Variants in SMAD9 observed in about 807,000 individuals in gnomAD.
SMAD9 encodes SMAD family member 9, also known as MAD homolog 9.
Under a neutral mutation model 46.1 loss-of-function variants are expected in SMAD9, and 36 were observed. The observed-to-expected ratio is 0.78, with a 90% CI of 0.60 to 1.03. SMAD9 has a LOEUF of 1.03. Among genes scored for constraint, SMAD9 ranks in the 50% least tolerant of loss-of-function variants. The probability of loss-of-function intolerance (pLI) is 0.00; values close to 1 mark genes in which losing one functional copy is unlikely to be tolerated. For synonymous variants in SMAD9, 245 were observed against 237.1 expected (o/e 1.03, Z -0.31); for missense variants, 572 against 599.8 (o/e 0.95, Z 0.48).
In SMAD9 at chr13:36,848,752, T is replaced by C. The variant is rs2058052001; in HGVS notation, c.1328A>G (p.His443Arg). Residue 443 changes from histidine (H) to arginine (R), a missense_variant, in exon 7 of 7, where the codon CAT becomes CGT. By Grantham distance (29) the His-to-Arg change is conservative. Transcript: ENST00000379826. ...STPCWIEIHL[H>R]GPLQWLDKVL... ...TTTGTCCAGCCACTGCAGTGGCCCA[T>C]GAAGATGAATCTCAATCCAGCAGGG... 1 of 1,613,804 alleles carries C rather than the reference T, an allele frequency of 6.2e-7. No individual in the cohort carries two copies. Among genetic ancestry groups the C allele is most frequent in the Non-Finnish European group, 8.5e-7 (1 of 1,179,700 alleles).
chr13:36,857,792 T>A (rs1490108320), intron 5 of SMAD9, among the ~76,000 whole-genome samples: 3 of 152,146 alleles, frequency 2.0e-5, no homozygotes, highest in African/African-American at 7.2e-5. Flanking sequence ...CAGAGTGTCC[T>A]GCACAGAAGA....
At chr13:36,888,900 A>C (rs1383106764) in intron 1 of SMAD9, among the ~76,000 whole-genome samples, 1 of 152,150 alleles carries the variant, frequency 6.6e-6, no homozygotes, top group African/African-American at 2.4e-5. Flanking sequence ...GAGAGGACGC[A>C]CATGAAACTG....
At position 36,872,557 on chromosome 13, in the gene SMAD9, T is replaced by G; in HGVS notation, c.670+101A>C. 3.0e-6 allele frequency: 4 copies of G among 1,338,550 alleles called. No individual in the cohort carries two copies. The South Asian group carries it at 4.8e-5, about 16-fold the overall frequency. The allele number at this position is 1,338,550 out of a possible 1,614,324, so 82.9% of individuals were successfully genotyped here. On this transcript the variant is annotated intron_variant, in intron 3 of 6. Transcript: ENST00000379826. ...TGCTTTGTAAACTGTTTATACTATA[T>G]GAATGACAGTTACAATGACTGTCAT...
chr13:36,908,271 GCT>G (rs1401784460), intron 1 of SMAD9, among the ~76,000 whole-genome samples: 1 of 152,116 alleles, frequency 6.6e-6, no homozygotes, highest in Non-Finnish European at 1.5e-5. Flanking sequence ...GTATTATTCA[GCT>G]TGATTTTCTC....
intron 1 of SMAD9, among the ~76,000 whole-genome samples, chr13:36,908,138 T>A (rs1483804603): frequency 6.6e-6 from 1 of 152,226 alleles, no homozygotes; most frequent in East Asian, 1.9e-4. Context: ...GTTTTTAAAA[T>A]AACAGTTGCT....
chr13:36,916,279 T>C (rs1156583062), intron 1 of SMAD9, among the ~76,000 whole-genome samples: 2 of 152,254 alleles, frequency 1.3e-5, no homozygotes, highest in African/African-American at 4.8e-5. Flanking sequence ...CCGTATCACA[T>C]TAAAATCTGT....
intron 5 of SMAD9, among the ~76,000 whole-genome samples, chr13:36,861,917 A>G (rs2058185993): frequency 6.6e-6 from 1 of 151,576 alleles, no homozygotes; most frequent in Admixed American, 6.6e-5. Context: ...TGACAGAGCA[A>G]GACTCCCGTC....
chr13:36,860,026 G>A (rs2138339706), intron 5 of SMAD9, among the ~76,000 whole-genome samples: 1 of 152,134 alleles, frequency 6.6e-6, no homozygotes, highest in South Asian at 2.1e-4. Flanking sequence ...AGCCCTGGTG[G>A]CTGCTTTGTC....
rs57024507 is a variant in SMAD9, at chr13:36,896,109, G to GTATTTATTTATT, written c.-186-16246_-186-16235dup. Among the ~76,000 whole-genome samples the GTATTTATTTATT allele has an allele frequency of 6.2e-3, 928 of 148,638 alleles. 11 individuals are homozygous for GTATTTATTTATT. The highest frequency in any genetic ancestry group is 0.022 in the African/African-American group (862 of 39,830). The stretch of plus-strand genomic sequence containing the variant: ...CCCACCCTGTTGCCAATCCTGTTGA[G>GTATTTATTTATT]TATTTATTTATTTATTTATTTATTT... On this transcript the variant is annotated intron_variant, in intron 1 of 6. Coordinates refer to ENST00000379826, the MANE Select transcript of SMAD9 (RefSeq NM_001127217.3).
rs2058035118 is a variant in SMAD9 at position 36,845,778 on chromosome 13, T to TAAC, written c.*2895_*2897dup. On this transcript the variant is annotated 3_prime_UTR_variant, in exon 7 of 7. Coordinates refer to ENST00000379826, the MANE Select transcript of SMAD9 (RefSeq NM_001127217.3). The stretch of plus-strand genomic sequence containing the variant: ...GATTGTGTTACAATGACTAAAGGGT[T>TAAC]AACTTCTCATTAATTCTAAATTCTT... 1 of 152,208 alleles carries TAAC rather than the reference T, an allele frequency of 6.6e-6. No homozygotes were observed. Among genetic ancestry groups the TAAC allele is most frequent in the Non-Finnish European group, 1.5e-5 (1 of 68,034 alleles). The allele number at this position is 152,208 out of a possible 1,614,324, so 9.4% of individuals were successfully genotyped here.
chr13:36,878,378 A>G (rs2058367441), intron 2 of SMAD9, among the ~76,000 whole-genome samples: 1 of 152,158 alleles, frequency 6.6e-6, no homozygotes, highest in Admixed American at 6.5e-5. Flanking sequence ...AGGATTGCCT[A>G]CAGTATTTAG....
At chr13:36,875,530 T>C (rs2058338022) in intron 2 of SMAD9, among the ~76,000 whole-genome samples, 1 of 152,154 alleles carries the variant, frequency 6.6e-6, no homozygotes, top group Non-Finnish European at 1.5e-5. Flanking sequence ...TCATAAACCA[T>C]TAAATTCCCC....
chr13:36,907,294 A>G (rs776245149), intron 1 of SMAD9, among the ~76,000 whole-genome samples: 6 of 131,038 alleles, frequency 4.6e-5, no homozygotes, highest in Non-Finnish European at 8.1e-5. Context: ...GGGAAGATGA[A>G]AAAGTTCTGG....
rs574741770 is a variant in SMAD9 at position 36,897,849 on chromosome 13, C to CTTTTTT, written c.-186-17980_-186-17975dup. Among the ~76,000 whole-genome samples, 97 of 90,010 alleles carry CTTTTTT rather than the reference C, an allele frequency of 1.1e-3. 1 individual carries two copies. Among genetic ancestry groups the CTTTTTT allele is most frequent in the East Asian group, 2.8e-3 (8 of 2,822 alleles). 59.1% of individuals were successfully genotyped at this position (90,010 alleles called of 152,430 possible). A position where few individuals can be genotyped will look rare whatever the true frequency, so the allele number is the denominator to read the frequency against. On this transcript the variant is annotated intron_variant, in intron 1 of 6. Coordinates refer to ENST00000379826, the MANE Select transcript of SMAD9 (RefSeq NM_001127217.3). ...CCAAGGTAACAGAAATGTCCTGTGTCTTTTTTTTTTTTTTTTTTTTTTTTT... is the reference window on the plus strand; with the variant it reads ...CCAAGGTAACAGAAATGTCCTGTGTCTTTTTTTTTTTTTTTTTTTTTTTTTTTTTTT...
Position 36,879,599 on chromosome 13 carries a change from C to T in SMAD9, c.91G>A (p.Glu31Lys). The T allele has an allele frequency of 6.2e-7, 1 of 1,614,222 alleles. No homozygotes were observed. Among genetic ancestry groups the T allele is most frequent in the Non-Finnish European group, 8.5e-7 (1 of 1,180,042 alleles). The change falls in exon 2 of 7, where the codon GAA becomes AAA. Residue 31 changes from glutamate (E) to lysine (K), a missense_variant. Glu to Lys is a moderately conservative substitution (Grantham distance 56). Transcript: ENST00000379826. ...LLGWKQGDEE[E>K]KWAEKAVDSL... ...TCCACTGCCTTCTCTGCCCACTTTT[C>T]CTCTTCATCTCCTTGCTTCCAGCCT...
intron 1 of SMAD9, among the ~76,000 whole-genome samples, chr13:36,918,450 C>T (rs558905087): frequency 1.4e-4 from 21 of 152,288 alleles, no homozygotes; most frequent in African/African-American, 4.1e-4. Context: ...CATTAAGAGG[C>T]CGAAGGCTGT....
Position 36,879,694 on chromosome 13 carries a change from G to A in SMAD9, c.-5C>T, listed in dbSNP as rs1345992274. The A allele has an allele frequency of 6.2e-7, 1 of 1,613,888 alleles. No individual in the cohort carries two copies. Among genetic ancestry groups the A allele is most frequent in the East Asian group, 2.2e-5 (1 of 44,876 alleles). ...GATGGGGGTGGTGGAGTGCATAAGA[G>A]GCCACAGCAGGCTCCGGCGCGCACG... On this transcript the variant is annotated 5_prime_UTR_variant, in exon 2 of 7. Coordinates refer to ENST00000379826, the MANE Select transcript of SMAD9 (RefSeq NM_001127217.3).
chr13:36,849,283 C>G (rs1366469938), intron 6 of SMAD9: 1 of 158,314 alleles, frequency 6.3e-6, no homozygotes, highest in East Asian at 1.9e-4. Flanking sequence ...TATTCTCTCT[C>G]TCTCTCTCTC....
chr13:36,919,209 A>C (rs1334814922), intron 1 of SMAD9, among the ~76,000 whole-genome samples: 1 of 152,214 alleles, frequency 6.6e-6, no homozygotes, highest in Non-Finnish European at 1.5e-5. Context: ...TCCACGGTCA[A>C]GGGCAGGAGG....
Sources: allele counts gnomAD v4.1 joint callset (sites outside exome capture counted in the v4.1 genomes callset), GRCh38; gene constraint gnomAD v4.1.1; transcripts MANE v1.5; gene names NCBI Gene and HGNC (gene_info 2026-07-23, HGNC 2026-07-21).